CACNA1C: variants seen among roughly 807,000 people sequenced by gnomAD.
CACNA1C encodes calcium voltage-gated channel subunit alpha1 C.
A neutral mutation model predicts 229.0 loss-of-function variants in CACNA1C; 30 were observed. The observed-to-expected ratio is 0.13, with a 90% CI of 0.10 to 0.18. The LOEUF (loss-of-function observed/expected upper bound fraction) is 0.18, where lower values mean the gene tolerates loss of function less well. CACNA1C is among the 10% of genes least tolerant of loss of function. The probability of loss-of-function intolerance (pLI) is 1.00; values close to 1 mark genes in which losing one functional copy is unlikely to be tolerated. For synonymous variants in CACNA1C, 1,114 were observed against 1,132.5 expected (o/e 0.98, Z 0.33); for missense variants, 1,658 against 2,845.0 (o/e 0.58, Z 9.49).
intron 1 of CACNA1C, among the ~76,000 whole-genome samples, chr12:2,103,354 A>G (rs1476010909): frequency 3.3e-5 from 5 of 151,740 alleles, no homozygotes; most frequent in Non-Finnish European, 2.9e-5. Flanking sequence ...AGCTTTTTTT[A>G]TATAGTTGCC....
At chr12:2,047,995 A>T (rs1478599376), upstream of CACNA1C, among the ~76,000 whole-genome samples, 5 of 152,232 alleles carry the variant, frequency 3.3e-5, no homozygotes, top group Non-Finnish European at 5.9e-5. Flanking sequence ...TCTTGACTAC[A>T]GAGCTGGACA....
At chr12:2,171,531 G>A (rs913811727) in intron 3 of CACNA1C, among the ~76,000 whole-genome samples, 2 of 152,226 alleles carry the variant, frequency 1.3e-5, no homozygotes, top group African/African-American at 4.8e-5. Flanking sequence ...GGGAACCTTA[G>A]GAATGTCACT....
chr12:2,515,314 G>C (rs2099794264), intron 9 of CACNA1C, among the ~76,000 whole-genome samples: 1 of 152,188 alleles, frequency 6.6e-6, no homozygotes, highest in Non-Finnish European at 1.5e-5. Context: ...AAGTAGAATT[G>C]ATGTGATGAA....
rs561212523 is a variant in CACNA1C, at chr12:2,054,265, C to G, written c.49+654C>G. Among the ~76,000 whole-genome samples, 3 of 152,156 alleles carry G rather than the reference C, an allele frequency of 2.0e-5. No individual in the cohort carries two copies. The highest frequency in any genetic ancestry group is 4.8e-5 in the African/African-American group (2 of 41,444). ...TCTCCCTCCCTCCTCCGCCGCTCACCTACACCCACCCACCTCTCCACTGCT... is the reference window on the plus strand; with the variant it reads ...TCTCCCTCCCTCCTCCGCCGCTCACGTACACCCACCCACCTCTCCACTGCT... On this transcript the variant is annotated intron_variant, in intron 1 of 46. Transcript: ENST00000399655. The surrounding 1 kb of genome is among the most constrained non-coding windows in gnomAD (Gnocchi z 5.5).
At chr12:2,195,514 A>G (rs2097373067) in intron 3 of CACNA1C, among the ~76,000 whole-genome samples, 2 of 152,302 alleles carry the variant, frequency 1.3e-5, no homozygotes, top group Non-Finnish European at 2.9e-5. Flanking sequence ...TTCAGTGACA[A>G]GTTCCTTTGG....
intron 3 of CACNA1C, among the ~76,000 whole-genome samples, chr12:2,351,742 G>T (rs1360731830): frequency 1.3e-5 from 2 of 152,196 alleles, no homozygotes; most frequent in African/African-American, 4.8e-5. Context: ...CCTGGCTTAG[G>T]GTCATGAGAG....
intron 29 of CACNA1C, among the ~76,000 whole-genome samples, chr12:2,619,118 G>A (rs1480109818): frequency 6.6e-6 from 1 of 152,200 alleles, no homozygotes; most frequent in African/African-American, 2.4e-5. Flanking sequence ...GACCCAGGAA[G>A]CCTAGATCCC....
At chr12:2,401,232 G>GTGTCCCC (rs899316370) in intron 3 of CACNA1C, among the ~76,000 whole-genome samples, 45 of 152,220 alleles carry the variant, frequency 3.0e-4, no homozygotes, top group African/African-American at 9.9e-4. Context: ...GTGGGAACCT[G>GTGTCCCC]TGTCCCCTGC....
intron 1 of CACNA1C, among the ~76,000 whole-genome samples, chr12:2,081,723 A>G (rs2065731779): frequency 6.6e-6 from 1 of 152,154 alleles, no homozygotes; most frequent in South Asian, 2.1e-4. Flanking sequence ...TTTTTTTAAG[A>G]AGATTAAGAT....
rs117428418 is a variant in CACNA1C at position 2,316,414 on chromosome 12, T to C, written c.478-132562T>C. On this transcript the variant is annotated intron_variant, in intron 3 of 46. Transcript: ENST00000399655. ...TAAACGTTCAAGAGTGTAGGCTTTTTGTTATTGGAGAAAACATTTGTCAGG... is the reference window on the plus strand; with the variant it reads ...TAAACGTTCAAGAGTGTAGGCTTTTCGTTATTGGAGAAAACATTTGTCAGG... Among the ~76,000 whole-genome samples the C allele has an allele frequency of 5.9e-5, 9 of 152,272 alleles. No individual in the cohort carries two copies. In the East Asian group the frequency reaches 1.4e-3, roughly 23 times the overall value.
At chr12:2,170,590 A>C (rs2096435962) in intron 3 of CACNA1C, among the ~76,000 whole-genome samples, 1 of 152,248 alleles carries the variant, frequency 6.6e-6, no homozygotes, top group Non-Finnish European at 1.5e-5. Flanking sequence ...TGAAGACATT[A>C]TGTTCCAACT....
chr12:2,192,500 A>G (rs891504106), intron 3 of CACNA1C, among the ~76,000 whole-genome samples: 1 of 152,242 alleles, frequency 6.6e-6, no homozygotes, highest in Non-Finnish European at 1.5e-5. Context: ...GAGGGGCAGT[A>G]AAGACGTCCA....
rs370883428 is a variant in CACNA1C at position 2,498,003 on chromosome 12, A to AC, written c.1113+4617_1113+4618insC. ...CACACACACACACACACACACACAC[A>AC]ACAGCTATTAATCTCTTGGTATTGG... On this transcript the variant is annotated intron_variant, in intron 7 of 46. Coordinates refer to ENST00000399655, the MANE Select transcript of CACNA1C (RefSeq NM_000719.7). 8.0e-5 allele frequency among the ~76,000 whole-genome samples: 12 copies of AC among 149,244 alleles called. No individual in the cohort carries two copies. The East Asian group carries it at 9.8e-4, about 12-fold the overall frequency.
At chr12:2,222,982 T>G (rs1481552629) in intron 3 of CACNA1C, among the ~76,000 whole-genome samples, 1 of 152,238 alleles carries the variant, frequency 6.6e-6, no homozygotes, top group Non-Finnish European at 1.5e-5. Flanking sequence ...GACATTTGCT[T>G]TTTAATGGAC....
At chr12:2,116,524 C>T (rs150043602) in intron 2 of CACNA1C, among the ~76,000 whole-genome samples, 1,933 of 152,262 alleles carry the variant, frequency 0.013, 50 homozygotes, top group African/African-American at 0.044. Flanking sequence ...CGCCACCACG[C>T]TCGGCTATTC....
At chr12:2,373,898 C>G in intron 3 of CACNA1C, among the ~76,000 whole-genome samples, 1 of 152,310 alleles carries the variant, frequency 6.6e-6, no homozygotes. Context: ...GCATGACGAA[C>G]TTTGTTATGC....
intron 3 of CACNA1C, among the ~76,000 whole-genome samples, chr12:2,334,542 C>T (rs1239116702): frequency 2.0e-5 from 3 of 152,134 alleles, no homozygotes; most frequent in Non-Finnish European, 4.4e-5. Flanking sequence ...CGGTGGTTCA[C>T]GCCCATAGTC....
Position 1,971,771 on chromosome 12 carries a change from G to A in CACNA1C, c.139+570G>A, listed in dbSNP as rs921733740. Among the ~76,000 whole-genome samples the A allele has an allele frequency of 2.0e-5, 3 of 151,864 alleles. No homozygotes were observed. The highest frequency in any genetic ancestry group is 4.8e-5 in the African/African-American group (2 of 41,322). On this transcript the variant is annotated intron_variant, in intron 1 of 46. Coordinates refer to the CACNA1C transcript ENST00000682462. This position sits in a 1 kb window ranked among gnomAD's most constrained non-coding sequence, Gnocchi z 4.2. ...TTAGTTCATTTTGCATGTTCTTTGG[G>A]GATTTGCCTTATCTCATTTATGTTC...
rs1361344406 is a variant in CACNA1C at position 2,473,691 on chromosome 12, C to G, written c.758-12413C>G. 5.3e-5 allele frequency among the ~76,000 whole-genome samples: 8 copies of G among 152,086 alleles called. No individual in the cohort carries two copies. The East Asian group carries it at 1.5e-3, about 29-fold the overall frequency. On this transcript the variant is annotated intron_variant, in intron 5 of 46. Transcript: ENST00000399655. Reference sequence around the variant, plus strand: ...GGTGACATGACTTGTCAAGGTCACACAGTTATTGATAGCAGAAGAGGAAAT... The same window carrying G: ...GGTGACATGACTTGTCAAGGTCACAGAGTTATTGATAGCAGAAGAGGAAAT...
Sources: gnomAD v4.1 joint callset for allele counts (sites outside exome capture counted in the v4.1 genomes callset) on GRCh38, gnomAD v4.1.1 for gene constraint, Gnocchi (gnomAD v3.1) non-coding constraint, MANE v1.5 for transcripts, NCBI Gene and HGNC (gene_info 2026-07-23, HGNC 2026-07-21) for gene names.